The following NRG1 variants were observed in gnomAD, a reference collection of about 807,000 sequenced individuals.
NRG1 encodes the protein neuregulin 1.
Under a neutral mutation model 63.8 loss-of-function variants are expected in NRG1, and 18 were observed. That is an observed-to-expected ratio of 0.28 (90% confidence interval 0.19 to 0.42). The LOEUF (loss-of-function observed/expected upper bound fraction) is 0.42, where lower values mean the gene tolerates loss of function less well. Among genes scored for constraint, NRG1 ranks in the 10% least tolerant of loss-of-function variants. The probability of loss-of-function intolerance (pLI) is 1.00; values close to 1 mark genes in which losing one functional copy is unlikely to be tolerated. For synonymous variants in NRG1, 302 were observed against 301.3 expected, an observed-to-expected ratio of 1.00 and a Z score of -0.02; for missense variants, 762 against 814.7, an observed-to-expected ratio of 0.94 and a Z score of 0.79.
chr8:32,023,271 C>T (rs905226336), intron 1 of NRG1, among the ~76,000 whole-genome samples: 11 of 152,076 alleles, frequency 7.2e-5, no homozygotes, highest in Admixed American at 1.3e-4. Flanking sequence ...CAAGAAATGG[C>T]CAAGAGTAGA....
intron 1 of NRG1, among the ~76,000 whole-genome samples, chr8:32,382,991 G>A (rs1448489003): frequency 6.6e-6 from 1 of 151,966 alleles, no homozygotes; most frequent in Non-Finnish European, 1.5e-5. Context: ...GAAGACTGAG[G>A]CAGGAGGATC....
At chr8:31,650,086 C>T (rs943042285) in intron 1 of NRG1, among the ~76,000 whole-genome samples, 1 of 152,132 alleles carries the variant, frequency 6.6e-6, no homozygotes, top group African/African-American at 2.4e-5. Context: ...TCAAGCAGTC[C>T]TCCACTTCAG....
intron 1 of NRG1, among the ~76,000 whole-genome samples, chr8:32,435,322 A>T (rs1818652874): frequency 6.6e-6 from 1 of 152,156 alleles, no homozygotes; most frequent in South Asian, 2.1e-4. Flanking sequence ...TCTTCCCAAT[A>T]ACGAGGGAGA....
intron 1 of NRG1, among the ~76,000 whole-genome samples, chr8:31,691,309 C>T (rs905935237): frequency 3.3e-5 from 5 of 152,078 alleles, no homozygotes; most frequent in African/African-American, 1.2e-4. Flanking sequence ...TGGAAATTAA[C>T]ATAAAAGTAG....
chr8:32,055,303 T>G (rs906117167), intron 1 of NRG1, among the ~76,000 whole-genome samples: 6 of 152,172 alleles, frequency 3.9e-5, no homozygotes, highest in African/African-American at 1.4e-4. Flanking sequence ...TAATATATCT[T>G]TCTATATAAC....
chr8:32,292,571 GCTCT>G (rs1854329861), intron 1 of NRG1, among the ~76,000 whole-genome samples: 1 of 151,578 alleles, frequency 6.6e-6, no homozygotes, highest in African/African-American at 2.4e-5. Context: ...TTTCTCTCTT[GCTCT>G]CTCTCTCTGT....
At chr8:32,709,997 T>A (rs1817409969) in intron 5 of NRG1, among the ~76,000 whole-genome samples, 1 of 152,194 alleles carries the variant, frequency 6.6e-6, no homozygotes. Context: ...AGTAACTATG[T>A]AAAGCAAGTC....
chr8:32,764,493 C>T, exon 12 of NRG1: 2 of 1,180,494 alleles, frequency 1.7e-6, no homozygotes, highest in Admixed American at 3.4e-5. Context: ...TTTATTTTAG[C>T]AGTTCTGCAA....
intron 5 of NRG1, among the ~76,000 whole-genome samples, chr8:32,622,310 G>A (rs1370731415): frequency 1.3e-5 from 2 of 152,110 alleles, no homozygotes; most frequent in Non-Finnish European, 2.9e-5. Context: ...AAATTCTGGT[G>A]CTGCTAATTA....
chr8:32,746,687 G>T (rs1376878596), intron 7 of NRG1, among the ~76,000 whole-genome samples: 1 of 152,022 alleles, frequency 6.6e-6, no homozygotes, highest in Admixed American at 6.6e-5. Context: ...AAGGAAACTA[G>T]ATTGTTTACA....
intron 1 of NRG1, among the ~76,000 whole-genome samples, chr8:32,298,714 C>CAAA (rs760147959): frequency 4.4e-5 from 4 of 90,946 alleles, no homozygotes; most frequent in South Asian, 3.5e-4. Flanking sequence ...AACTCAGTCT[C>CAAA]AAAAAAAAAA....
chr8:32,185,151 C>T (rs774729932), intron 1 of NRG1, among the ~76,000 whole-genome samples: 12 of 152,182 alleles, frequency 7.9e-5, no homozygotes, highest in South Asian at 2.1e-4. Flanking sequence ...TGTGTGCATG[C>T]GTACACACAC....
intron 1 of NRG1, among the ~76,000 whole-genome samples, chr8:32,219,602 C>G (rs966992263): frequency 1.3e-5 from 2 of 152,128 alleles, no homozygotes; most frequent in African/African-American, 4.8e-5. Flanking sequence ...TTTGGGAGCA[C>G]CTTAAGATGC....
intron 1 of NRG1, among the ~76,000 whole-genome samples, chr8:31,755,831 A>G (rs1408455387): frequency 2.0e-5 from 3 of 152,080 alleles, no homozygotes; most frequent in African/African-American, 7.2e-5. Flanking sequence ...AGCGAATCAC[A>G]ATTATTTTCT....
At chr8:31,791,181 C>G (rs1484978143) in intron 1 of NRG1, among the ~76,000 whole-genome samples, 1 of 142,566 alleles carries the variant, frequency 7.0e-6, no homozygotes, top group Non-Finnish European at 1.5e-5. Flanking sequence ...TGCACTCCAG[C>G]TGGGTGGGAG....
chr8:31,848,107 A>G (rs1053360793), intron 1 of NRG1, among the ~76,000 whole-genome samples: 1 of 152,176 alleles, frequency 6.6e-6, no homozygotes, highest in East Asian at 1.9e-4. Context: ...ATAAATTTTA[A>G]TGGGGGAAGG....
At chr8:31,958,324 TAATC>T (rs1804824945) in intron 1 of NRG1, among the ~76,000 whole-genome samples, 1 of 152,122 alleles carries the variant, frequency 6.6e-6, no homozygotes, top group Admixed American at 6.5e-5. Flanking sequence ...TACATGACAA[TAATC>T]AATTTGGGTA....
chr8:32,468,804 A>T (rs570859432), intron 1 of NRG1, among the ~76,000 whole-genome samples: 1 of 152,074 alleles, frequency 6.6e-6, no homozygotes, highest in African/African-American at 2.4e-5. Context: ...TACACCATCA[A>T]TATCTATTTT....
chr8:32,437,770 C>T (rs1431483274), intron 1 of NRG1, among the ~76,000 whole-genome samples: 6 of 152,032 alleles, frequency 3.9e-5, no homozygotes, highest in African/African-American at 7.2e-5. Flanking sequence ...ACTATGTTTT[C>T]AGTAGGACAT....
Sources: gnomAD v4.1 joint callset for allele counts (sites outside exome capture counted in the v4.1 genomes callset) on GRCh38, gnomAD v4.1.1 for gene constraint, MANE v1.5 for transcripts, NCBI Gene and HGNC (gene_info 2026-07-23, HGNC 2026-07-21) for gene names.